Variants in CFAP61 observed in about 807,000 individuals in gnomAD.
CFAP61 encodes the protein cilia and flagella associated protein 61, also known as cilia- and flagella-associated protein 61.
In CFAP61, 107 loss-of-function variants were observed where a neutral mutation model predicts 135.6. The observed-to-expected ratio is 0.79, with a 90% CI of 0.67 to 0.93. CFAP61 has a LOEUF of 0.93. Among genes scored for constraint, CFAP61 ranks in the 40% least tolerant of loss-of-function variants. CFAP61 has a pLI of 0.00. For missense variants in CFAP61, 1,507 were observed against 1,556.2 expected (o/e 0.97, Z 0.53); for synonymous variants, 575 against 578.5 (o/e 0.99, Z 0.09).
intron 8 of CFAP61, among the ~76,000 whole-genome samples, chr20:20,142,067 C>T (rs1381746316): frequency 5.9e-5 from 9 of 152,140 alleles, no homozygotes; most frequent in Non-Finnish European, 1.2e-4. Context: ...GGACATCCTC[C>T]AATGATGTCT....
At chr20:20,142,589 A>G (rs1349556647) in intron 8 of CFAP61, among the ~76,000 whole-genome samples, 1 of 152,134 alleles carries the variant, frequency 6.6e-6, no homozygotes, top group African/African-American at 2.4e-5. Context: ...CCATCTTCCC[A>G]TCTCCACAAC....
chr20:20,212,238 AC>A (rs2047699820), intron 17 of CFAP61, among the ~76,000 whole-genome samples: 3 of 151,818 alleles, frequency 2.0e-5, no homozygotes, highest in Admixed American at 6.6e-5. Flanking sequence ...AAATTCCAAA[AC>A]GATCTCCAGG....
At chr20:20,347,492 A>G (rs1321492602) in intron 26 of CFAP61, among the ~76,000 whole-genome samples, 1 of 152,198 alleles carries the variant, frequency 6.6e-6, no homozygotes, top group Non-Finnish European at 1.5e-5. Context: ...ACTGCCTAAG[A>G]AAAAAGACTC....
chr20:20,252,940 C>T (rs1470418858), intron 20 of CFAP61, among the ~76,000 whole-genome samples: 1 of 152,186 alleles, frequency 6.6e-6, no homozygotes. Flanking sequence ...AGGGTGGGAC[C>T]CAGTCATCAG....
intron 18 of CFAP61, among the ~76,000 whole-genome samples, chr20:20,237,270 G>A (rs577267562): frequency 1.3e-5 from 2 of 152,246 alleles, no homozygotes; most frequent in African/African-American, 4.8e-5. Flanking sequence ...CTACCTTAGT[G>A]TCGGGTCCAG....
intron 6 of CFAP61, 131 bp from the exon 7 acceptor site, chr20:20,090,705 AAAAAAAAG>A (rs1269150400): frequency 8.2e-6 from 6 of 729,682 alleles, no homozygotes; most frequent in South Asian, 2.0e-5. Flanking sequence ...AAAAAAAAAA[AAAAAAAAG>A]AAGGAAAGTT....
At chr20:20,357,047 G>A (rs1413571824) in intron 26 of CFAP61, among the ~76,000 whole-genome samples, 4 of 116,100 alleles carry the variant, frequency 3.4e-5, no homozygotes, top group African/African-American at 6.6e-5. Flanking sequence ...GAGAGGAGGT[G>A]GTCACACTGA....
chr20:20,081,007 AAAAAG>A (rs1430169087), intron 6 of CFAP61, among the ~76,000 whole-genome samples: 1 of 152,154 alleles, frequency 6.6e-6, no homozygotes, highest in Non-Finnish European at 1.5e-5. Flanking sequence ...TCTCAAAAAA[AAAAAG>A]AAAAGAAAAA....
chr20:20,302,036 A>G (rs1364195662), intron 25 of CFAP61, among the ~76,000 whole-genome samples: 1 of 152,224 alleles, frequency 6.6e-6, no homozygotes, highest in Admixed American at 6.5e-5. Flanking sequence ...ATAGCTCTCA[A>G]TTTAGGTATT....
intron 7 of CFAP61, chr20:20,094,377 A>T (rs2047414887): frequency 1.3e-5 from 2 of 152,176 alleles, no homozygotes; most frequent in Admixed American, 1.3e-4. Context: ...GAGAAGTGAA[A>T]TGATTCATAC....
chr20:20,168,603 AG>A (rs1383537469), intron 12 of CFAP61, among the ~76,000 whole-genome samples: 3 of 152,242 alleles, frequency 2.0e-5, no homozygotes, highest in Non-Finnish European at 4.4e-5. Context: ...AATGGAATTA[AG>A]TATCCATTTT....
At chr20:20,134,613 A>G (rs962415449) in intron 8 of CFAP61, among the ~76,000 whole-genome samples, 8 of 152,210 alleles carry the variant, frequency 5.3e-5, no homozygotes, top group African/African-American at 1.9e-4. Context: ...AACCAGAACA[A>G]TAACTATGGA....
chr20:20,182,827 A>T (rs922264734), intron 13 of CFAP61, among the ~76,000 whole-genome samples: 3 of 152,244 alleles, frequency 2.0e-5, no homozygotes, highest in Non-Finnish European at 4.4e-5. Context: ...TTATTAGGCA[A>T]AACCACATAC....
At chr20:20,127,434 C>G (rs1275545299) in intron 8 of CFAP61, among the ~76,000 whole-genome samples, 4 of 151,744 alleles carry the variant, frequency 2.6e-5, no homozygotes, top group Non-Finnish European at 5.9e-5. Context: ...GTACTCTCCC[C>G]CTTTTCCTAT....
intron 10 of CFAP61, among the ~76,000 whole-genome samples, chr20:20,161,226 C>A (rs551068459): frequency 1.3e-5 from 2 of 152,084 alleles, no homozygotes; most frequent in Non-Finnish European, 2.9e-5. Context: ...GTAGCCGTTC[C>A]GTTATGAACC....
At chr20:20,133,512 A>T (rs2050697164) in intron 8 of CFAP61, among the ~76,000 whole-genome samples, 2 of 152,184 alleles carry the variant, frequency 1.3e-5, no homozygotes, top group South Asian at 2.1e-4. Flanking sequence ...AGCAGGTCAC[A>T]TGATTAAACC....
At chr20:20,138,151 C>T (rs1394072284) in intron 8 of CFAP61, among the ~76,000 whole-genome samples, 1 of 152,094 alleles carries the variant, frequency 6.6e-6, no homozygotes, top group Non-Finnish European at 1.5e-5. Flanking sequence ...CTCTTCACTC[C>T]CCTCTCCTCT....
intron 26 of CFAP61, among the ~76,000 whole-genome samples, chr20:20,355,105 G>GGTCACACTA (rs2059031964): frequency 6.7e-6 from 1 of 149,782 alleles, no homozygotes; most frequent in Admixed American, 6.6e-5. Flanking sequence ...CACACTGTGT[G>GGTCACACTA]AGGGGAGGTG....
At chr20:20,281,073 T>C (rs753387346) in intron 22 of CFAP61, among the ~76,000 whole-genome samples, 1 of 152,230 alleles carries the variant, frequency 6.6e-6, no homozygotes, top group Non-Finnish European at 1.5e-5. Context: ...TTCCAGTTGA[T>C]CACTGCAGGT....
Sources: allele counts gnomAD v4.1 joint callset (sites outside exome capture counted in the v4.1 genomes callset), GRCh38; gene constraint gnomAD v4.1.1; transcripts MANE v1.5; gene names NCBI Gene and HGNC (gene_info 2026-07-23, HGNC 2026-07-21).